SORBS2: variants seen among roughly 807,000 people sequenced by gnomAD.
The protein encoded by SORBS2 is sorbin and SH3 domain containing 2.
Under a neutral mutation model 97.7 loss-of-function variants are expected in SORBS2, and 46 were observed. That is an observed-to-expected ratio of 0.47 (90% CI 0.37 to 0.60). The LOEUF is 0.60. Among genes scored for constraint, SORBS2 ranks in the 20% least tolerant of loss-of-function variants. SORBS2 has a pLI of 0.00. For missense variants in SORBS2, 1,316 were observed against 1,282.3 expected (o/e 1.03, Z -0.40); for synonymous variants, 476 against 473.4 (o/e 1.01, Z -0.07).
At chr4:185,935,369 G>GCTTTTC (rs1345445398) in intron 1 of SORBS2, among the ~76,000 whole-genome samples, 2 of 152,134 alleles carry the variant, frequency 1.3e-5, no homozygotes, top group African/African-American at 4.8e-5. Context: ...TCAAAACTAA[G>GCTTTTC]CCATGGGAGA....
chr4:185,820,084 G>A (rs1410104749), intron 1 of SORBS2, among the ~76,000 whole-genome samples: 2 of 152,214 alleles, frequency 1.3e-5, no homozygotes, highest in African/African-American at 2.4e-5. Context: ...GTGCGGCACT[G>A]GGTGGGCACG....
upstream of SORBS2, chr4:185,657,348 A>G: frequency 7.3e-7 from 1 of 1,369,130 alleles, no homozygotes; most frequent in Non-Finnish European, 9.7e-7. Flanking sequence ...CTAGGAATGC[A>G]CAAAGCCGTG....
At chr4:185,876,174 C>A (rs890199143) in intron 1 of SORBS2, among the ~76,000 whole-genome samples, 1 of 152,154 alleles carries the variant, frequency 6.6e-6, no homozygotes, top group African/African-American at 2.4e-5. Flanking sequence ...GTGGCACGAT[C>A]TCAGCCCTTT....
At chr4:185,954,950 C>T (rs1451938566) in intron 1 of SORBS2, among the ~76,000 whole-genome samples, 2 of 152,148 alleles carry the variant, frequency 1.3e-5, no homozygotes, top group African/African-American at 4.8e-5. Context: ...AAAACTCCAT[C>T]TCAAAAACAA....
upstream of SORBS2, among the ~76,000 whole-genome samples, chr4:185,660,877 T>A (rs1419096890): frequency 6.6e-6 from 1 of 152,182 alleles, no homozygotes. Context: ...AGCTTCCTAG[T>A]GAGTCGACAT....
chr4:185,776,106 T>TATTCATTC lies in SORBS2; in HGVS notation c.-337-748_-337-741dup, dbSNP rs35864343. Among the ~76,000 whole-genome samples the TATTCATTC allele has an allele frequency of 5.9e-5, 9 of 152,258 alleles. 1 individual carries two copies. The South Asian group carries it at 1.9e-3, about 32-fold the overall frequency. On this transcript the variant is annotated intron_variant, in intron 1 of 20. Transcript: ENST00000284776. ...TCTAGAAATAAAAATTAAGAAGTCG[T>TATTCATTC]ATTCATTCATTCATTCAGCAAATAT...
intron 2 of SORBS2, among the ~76,000 whole-genome samples, chr4:185,700,833 T>A (rs1174942226): frequency 2.0e-5 from 3 of 152,182 alleles, no homozygotes; most frequent in African/African-American, 7.2e-5. Flanking sequence ...CCCACATATG[T>A]TCCCAGCATT....
At chr4:185,736,429 A>C (rs2098688237) in intron 2 of SORBS2, among the ~76,000 whole-genome samples, 1 of 152,228 alleles carries the variant, frequency 6.6e-6, no homozygotes, top group Admixed American at 6.5e-5. Context: ...CCACAAAGCA[A>C]CTGGGCATTC....
chr4:185,741,404 G>GTTTTTTTTTTTTT (rs58376567), intron 2 of SORBS2, among the ~76,000 whole-genome samples: 1 of 111,664 alleles, frequency 9.0e-6, no homozygotes, highest in Non-Finnish European at 1.7e-5. Flanking sequence ...TTTTTTTTTT[G>GTTTTTTTTTTTTT]TTTTTTTTTT....
intron 1 of SORBS2, among the ~76,000 whole-genome samples, chr4:185,776,581 G>A (rs963389444): frequency 3.3e-5 from 5 of 151,976 alleles, no homozygotes; most frequent in Non-Finnish European, 7.4e-5. Flanking sequence ...GCTTTCCATC[G>A]GGAGATGAAA....
At chr4:185,885,122 A>T (rs1385266468) in intron 1 of SORBS2, among the ~76,000 whole-genome samples, 1 of 152,224 alleles carries the variant, frequency 6.6e-6, no homozygotes, top group Non-Finnish European at 1.5e-5. Context: ...AACTGAAGTT[A>T]CAGATACTCA....
chr4:185,618,742 T>C, intron 8 of SORBS2, 111 bp from the exon 21 acceptor site: 1 of 557,362 alleles, frequency 1.8e-6, no homozygotes, highest in Non-Finnish European at 3.2e-6. Flanking sequence ...ATCAAACATA[T>C]GTAATGTTAA....
At chr4:185,690,721 C>T in intron 2 of SORBS2, 110 bp from the exon 4 acceptor site, 2 of 495,002 alleles carry the variant, frequency 4.0e-6, no homozygotes, top group East Asian at 2.9e-5. Context: ...ATCACATTAT[C>T]ATTAGTCTTA....
chr4:185,853,855 A>G (rs2099219277), intron 1 of SORBS2, among the ~76,000 whole-genome samples: 1 of 152,204 alleles, frequency 6.6e-6, no homozygotes, highest in South Asian at 2.1e-4. Context: ...TGAAGGCAAA[A>G]CTATGAAGTC....
intron 6 of SORBS2, among the ~76,000 whole-genome samples, chr4:185,625,301 AG>A (rs2096792367): frequency 6.6e-6 from 1 of 152,216 alleles, no homozygotes; most frequent in African/African-American, 2.4e-5. Context: ...TTGATAATAG[AG>A]ATCTACATTT....
In SORBS2 at chr4:185,623,623, G is replaced by A. The variant is rs1440467543; in HGVS notation, c.1506C>T (p.Ser502=). 10 of 1,614,008 alleles carry A rather than the reference G, an allele frequency of 6.2e-6. No homozygotes were observed. The highest frequency in any genetic ancestry group is 1.6e-4 in the Middle Eastern group (1 of 6,084). Residue 502 remains serine (S), a synonymous_variant, in exon 7 of 15, where the codon AGC becomes AGT. Coordinates refer to ENST00000418609, the Ensembl canonical transcript of SORBS2. This position sits in a 1 kb window ranked among gnomAD's most constrained non-coding sequence, Gnocchi z 6.4. ...GGTCGGACACAACCCCGTCCTGGTCGCTGTCGGAAAACTCCACGTGTGCTC... is the reference window on the plus strand; with the variant it reads ...GGTCGGACACAACCCCGTCCTGGTCACTGTCGGAAAACTCCACGTGTGCTC...
intron 1 of SORBS2, among the ~76,000 whole-genome samples, chr4:185,902,504 C>T (rs2099248253): frequency 6.6e-6 from 1 of 151,940 alleles, no homozygotes; most frequent in Middle Eastern, 3.2e-3. Flanking sequence ...AGGGCATTTT[C>T]AAATTGTGAA....
chr4:185,894,160 G>GA (rs2099243880), intron 1 of SORBS2: 1 of 152,132 alleles, frequency 6.6e-6, no homozygotes, highest in African/African-American at 2.4e-5. Flanking sequence ...TAGAACCACA[G>GA]AAATATGCAT....
At chr4:185,819,182 A>C (rs2099195187) in intron 1 of SORBS2, among the ~76,000 whole-genome samples, 1 of 152,240 alleles carries the variant, frequency 6.6e-6, no homozygotes, top group South Asian at 2.1e-4. Context: ...TCTCACTTGA[A>C]GGATTGAGAA....
Sources: gnomAD v4.1 joint callset for allele counts (sites outside exome capture counted in the v4.1 genomes callset) on GRCh38, gnomAD v4.1.1 for gene constraint, Gnocchi (gnomAD v3.1) non-coding constraint, MANE v1.5 for transcripts, NCBI Gene and HGNC (gene_info 2026-07-23, HGNC 2026-07-21) for gene names.